Variants in NOCT observed in about 807,000 individuals in gnomAD.
NOCT encodes the protein CCR4 carbon catabolite repression 4-like.
In NOCT, 18 loss-of-function variants were observed where a neutral mutation model predicts 35.0. That is an observed-to-expected ratio of 0.51 (90% CI 0.36 to 0.76). NOCT has a LOEUF of 0.76. Ranked by LOEUF, NOCT falls within the 30% of genes least tolerant of loss-of-function variation. The pLI is 0.01. For missense variants in NOCT, 479 were observed against 541.0 expected, an observed-to-expected ratio of 0.89 and a Z score of 1.14; for synonymous variants, 235 against 226.3, an observed-to-expected ratio of 1.04 and a Z score of -0.34.
rs1726924523 is a variant in NOCT, at chr4:139,045,589, T to C, written c.*115T>C. 1.7e-6 allele frequency: 1 copy of C among 592,304 alleles called. No homozygotes were observed. Among genetic ancestry groups the C allele is most frequent in the Non-Finnish European group, 2.8e-6 (1 of 363,372 alleles). 36.7% of individuals were successfully genotyped at this position (592,304 alleles called of 1,614,324 possible). A position where few individuals can be genotyped will look rare whatever the true frequency, so the allele number is the denominator to read the frequency against. ...TGGAGTACAGTGGCCTGATCTCGGCTCACTGCAAGATCCGCCTCCCGGGTT... is the reference window on the plus strand; with the variant it reads ...TGGAGTACAGTGGCCTGATCTCGGCCCACTGCAAGATCCGCCTCCCGGGTT... On this transcript the variant is annotated 3_prime_UTR_variant, in exon 3 of 3. Coordinates refer to ENST00000280614, the MANE Select transcript of NOCT (RefSeq NM_012118.4).
Position 139,033,765 on chromosome 4 carries a change from G to GTT in NOCT, c.191-9300_191-9299dup, listed in dbSNP as rs1418825631. Among the ~76,000 whole-genome samples the GTT allele has an allele frequency of 1.6e-4, 23 of 147,892 alleles. 1 individual carries two copies. The highest frequency in any genetic ancestry group is 5.2e-4 in the African/African-American group (21 of 40,374). On this transcript the variant is annotated intron_variant, in intron 1 of 2. Coordinates refer to ENST00000280614, the MANE Select transcript of NOCT (RefSeq NM_012118.4). ...GTTAACTCAGTTATTCTCTCATTTTGTTTTTTTTTTGAGAGCTGGGGTGCA... is the reference window on the plus strand; with the variant it reads ...GTTAACTCAGTTATTCTCTCATTTTGTTTTTTTTTTTTGAGAGCTGGGGTGCA...
At chr4:139,016,644 T>TG (rs1726311708) in intron 1 of NOCT, among the ~76,000 whole-genome samples, 1 of 7,208 alleles carries the variant, frequency 1.4e-4, no homozygotes, top group Non-Finnish European at 3.5e-4. Context: ...TTACGTTGTT[T>TG]TTTTTTTTTT....
At chr4:139,022,002 A>G (rs919283406) in intron 1 of NOCT, among the ~76,000 whole-genome samples, 1 of 151,808 alleles carries the variant, frequency 6.6e-6, no homozygotes, top group Non-Finnish European at 1.5e-5. Context: ...CAGGTGATAC[A>G]CCCGCCTTGG....
Position 139,025,381 on chromosome 4 carries a change from C to T in NOCT, c.190+9210C>T, listed in dbSNP as rs533326836. ...GGAAAACCACATTTACCTTTGGTAA[C>T]TTGTACTGCCCTTTCCTTCTGGTTT... is the stretch of plus-strand genomic sequence containing the variant. On this transcript the variant is annotated intron_variant, in intron 1 of 2. Coordinates refer to ENST00000280614, the MANE Select transcript of NOCT (RefSeq NM_012118.4). Among the ~76,000 whole-genome samples, 11 of 152,332 alleles carry T rather than the reference C, an allele frequency of 7.2e-5. No homozygotes were observed. The East Asian group carries it at 1.7e-3, about 24-fold the overall frequency.
At position 139,044,801 on chromosome 4, in the gene NOCT, G is replaced by C. The variant is rs1468512902; in HGVS notation, c.623G>C (p.Ser208Thr). The change falls in exon 3 of 3, where the codon AGT (serine) becomes ACT (threonine). Residue 208 changes from serine to threonine, a missense_variant. By Grantham distance (58) the Ser-to-Thr change is moderately conservative. Around this residue, in one of 2 missense-constraint regions of NOCT, gnomAD observed 214 missense variants for 284.0 expected, o/e 0.75. Coordinates refer to ENST00000280614, the MANE Select transcript of NOCT (RefSeq NM_012118.4). ...HYFDTFQPLL[S>T]RLGYQGTFFP... Reference sequence around the variant, plus strand: ...TTTGACACCTTCCAGCCACTCCTCAGTAGACTAGGCTATCAAGGCACGTTT... The same window carrying C: ...TTTGACACCTTCCAGCCACTCCTCACTAGACTAGGCTATCAAGGCACGTTT... 2 of 1,614,186 alleles carry C rather than the reference G, an allele frequency of 1.2e-6. No individual in the cohort carries two copies. The highest frequency in any genetic ancestry group is 1.7e-6 in the Non-Finnish European group (2 of 1,180,036).
chr4:139,018,899 A>G (rs556299134), intron 1 of NOCT, among the ~76,000 whole-genome samples: 5 of 152,200 alleles, frequency 3.3e-5, no homozygotes, highest in Non-Finnish European at 7.4e-5. Flanking sequence ...AGAGATTACT[A>G]TAAAGCGTTT....
chr4:139,017,516 C>T (rs1248893986), intron 1 of NOCT, among the ~76,000 whole-genome samples: 1 of 149,778 alleles, frequency 6.7e-6, no homozygotes, highest in Non-Finnish European at 1.5e-5. Flanking sequence ...GCGTGAGCCA[C>T]CGCCCCCCCG....
chr4:139,037,721 A>G (rs2148646338), intron 1 of NOCT, among the ~76,000 whole-genome samples: 1 of 152,272 alleles, frequency 6.6e-6, no homozygotes, highest in East Asian at 1.9e-4. Flanking sequence ...CCCTCATTTT[A>G]AAGAGAAGTA....
intron 1 of NOCT, among the ~76,000 whole-genome samples, chr4:139,025,332 T>G (rs2148643202): frequency 1.3e-5 from 2 of 152,312 alleles, no homozygotes; most frequent in South Asian, 4.1e-4. Context: ...TGATTCAGCT[T>G]GGAGTTTCTT....
At chr4:139,037,201 A>G (rs1488675521) in intron 1 of NOCT, among the ~76,000 whole-genome samples, 1 of 152,178 alleles carries the variant, frequency 6.6e-6, no homozygotes, top group African/African-American at 2.4e-5. Context: ...ACACTTCCTA[A>G]TGATTCCCCT....
At position 139,015,869 on chromosome 4, in the gene NOCT, C is replaced by A; in HGVS notation, c.-113C>A. ...GAACCTGCGCCGCGCGAGAAGGAGC[C>A]TGGGAGCATCCGCCCACACTGCCCG... On this transcript the variant is annotated 5_prime_UTR_variant, in exon 1 of 3. In the 5' UTR this introduces an upstream ATG that the reference lacks. Transcript: ENST00000280614. The A allele has an allele frequency of 1.2e-6, 1 of 852,412 alleles. No homozygotes were observed. The highest frequency in any genetic ancestry group is 1.6e-6 in the Non-Finnish European group (1 of 644,948). 52.8% of individuals were successfully genotyped at this position (852,412 alleles called of 1,614,324 possible).
chr4:139,037,437 ATTTT>A (rs1578631635), intron 1 of NOCT, among the ~76,000 whole-genome samples: 1 of 151,962 alleles, frequency 6.6e-6, no homozygotes, highest in East Asian at 1.9e-4. Flanking sequence ...AATAATTACT[ATTTT>A]TTTATTTTTG....
At chr4:139,043,494 T>A (rs1726875884) in intron 2 of NOCT, 151 bp downstream of exon 2, 1 of 683,768 alleles carries the variant, frequency 1.5e-6, no homozygotes, top group Non-Finnish European at 2.5e-6. Context: ...TAGAAGAGGT[T>A]AAGACAGGGA....
At chr4:139,033,557 C>G (rs972954111) in intron 1 of NOCT, among the ~76,000 whole-genome samples, 2 of 151,250 alleles carry the variant, frequency 1.3e-5, no homozygotes, top group African/African-American at 4.9e-5. Flanking sequence ...TTCCCATCAT[C>G]CCAGCTGCTT....
chr4:139,045,304 C>A lies in NOCT; in HGVS notation c.1126C>A (p.Leu376Met), dbSNP rs778189361. The change falls in exon 3 of 3, where the codon CTG becomes ATG. Residue 376 changes from leucine (L) to methionine (M), a missense_variant. This residue lies in a region of NOCT where 214 missense variants were observed against 284.0 expected (regional missense o/e 0.75). Coordinates refer to ENST00000280614, the MANE Select transcript of NOCT (RefSeq NM_012118.4). The stretch of plus-strand genomic sequence containing the variant: ...GACCTCAGGGGAGTGCAGGCACACC[C>A]TGGATTACATCTGGTATTCTAAACA... Reference protein sequence around the residue: ...IRTSGECRHTLDYIWYSKHAL... With the variant: ...IRTSGECRHTMDYIWYSKHAL... 28 of 1,614,094 alleles carry A rather than the reference C, an allele frequency of 1.7e-5. No homozygotes were observed. Among genetic ancestry groups the A allele is most frequent in the Non-Finnish European group, 2.4e-5 (28 of 1,180,000 alleles).
intron 1 of NOCT, among the ~76,000 whole-genome samples, chr4:139,017,718 C>CT (rs1726339953): frequency 6.6e-6 from 1 of 151,608 alleles, no homozygotes; most frequent in Non-Finnish European, 1.5e-5. Flanking sequence ...TCACTTGAAC[C>CT]TGGGAGGCGG....
chr4:139,020,655 A>C (rs572060542), intron 1 of NOCT, among the ~76,000 whole-genome samples: 1 of 152,290 alleles, frequency 6.6e-6, no homozygotes, highest in East Asian at 1.9e-4. Context: ...CAAGTGCCTC[A>C]GGGGATTCTT....
intron 1 of NOCT, among the ~76,000 whole-genome samples, chr4:139,025,541 T>C (rs1726497123): frequency 1.3e-5 from 2 of 152,230 alleles, no homozygotes; most frequent in African/African-American, 2.4e-5. Flanking sequence ...CCAGGCGCGG[T>C]GGCTCACGCC....
At chr4:139,034,572 T>G (rs116310225) in intron 1 of NOCT, among the ~76,000 whole-genome samples, 2,445 of 152,134 alleles carry the variant, frequency 0.016, 61 homozygotes, top group African/African-American at 0.054. Flanking sequence ...TGCTGTGGTG[T>G]TGTTGTGGTG....
Sources: allele counts gnomAD v4.1 joint callset (sites outside exome capture counted in the v4.1 genomes callset), GRCh38; gene constraint gnomAD v4.1.1; regional missense constraint gnomAD v4.1.1; transcripts MANE v1.5; gene names NCBI Gene and HGNC (gene_info 2026-07-23, HGNC 2026-07-21).